Variants in POU2AF1 observed in about 807,000 individuals in gnomAD.
POU2AF1 encodes POU domain class 2-associating factor 1.
In POU2AF1, 12 loss-of-function variants were observed where a neutral mutation model predicts 26.3. That is an observed-to-expected ratio of 0.46 (90% confidence interval 0.29 to 0.74). The LOEUF is 0.74. Among genes scored for constraint, POU2AF1 ranks in the 30% least tolerant of loss-of-function variants. The probability of loss-of-function intolerance (pLI) is 0.09; values close to 1 mark genes in which losing one functional copy is unlikely to be tolerated. For synonymous variants in POU2AF1, 175 were observed against 148.0 expected (o/e 1.18, Z -1.32); for missense variants, 297 against 334.5 (o/e 0.89, Z 0.87).
chr11:111,378,591 A>AAAAGAATGACG (rs1296819355), intron 1 of POU2AF1, among the ~76,000 whole-genome samples: 1 of 152,202 alleles, frequency 6.6e-6, no homozygotes, highest in Admixed American at 6.5e-5. Context: ...CAGAAGGGGA[A>AAAAGAATGACG]AAAGAATGAC....
intron 1 of POU2AF1, among the ~76,000 whole-genome samples, chr11:111,371,358 C>A (rs1477261517): frequency 1.3e-5 from 2 of 152,108 alleles, no homozygotes; most frequent in African/African-American, 4.8e-5. Context: ...GTATCTATTT[C>A]TTGCATATTT....
In POU2AF1 at chr11:111,369,877, C is replaced by T. The variant is rs550834336; in HGVS notation, c.16+9285G>A. Among the ~76,000 whole-genome samples the T allele has an allele frequency of 2.6e-5, 4 of 152,266 alleles. No homozygotes were observed. In the South Asian group the frequency reaches 8.3e-4, roughly 32 times the overall value. On this transcript the variant is annotated intron_variant, in intron 1 of 4. Coordinates refer to ENST00000393067, the MANE Select transcript of POU2AF1 (RefSeq NM_006235.3). ...CCCATCTGAGCTAGGATGGGAATAACCTGTGGTTAGGCAGCTGGAGGAGGC... is the reference window on the plus strand; with the variant it reads ...CCCATCTGAGCTAGGATGGGAATAATCTGTGGTTAGGCAGCTGGAGGAGGC...
intron 1 of POU2AF1, among the ~76,000 whole-genome samples, chr11:111,366,807 A>G (rs1464541989): frequency 6.6e-6 from 1 of 152,148 alleles, no homozygotes; most frequent in Non-Finnish European, 1.5e-5. Flanking sequence ...TTAGAGCCAC[A>G]GAGCCCCAGA....
intron 4 of POU2AF1, among the ~76,000 whole-genome samples, chr11:111,355,686 G>A (rs1479859754): frequency 6.6e-6 from 1 of 152,210 alleles, no homozygotes; most frequent in East Asian, 1.9e-4. Context: ...GGACTCCAAT[G>A]TGGCCAGTCC....
chr11:111,379,060 C>A (rs11213863), intron 1 of POU2AF1, 102 bp downstream of exon 1: 3 of 1,457,090 alleles, frequency 2.1e-6, no homozygotes, highest in East Asian at 2.4e-5. Context: ...CCCCCGTGGC[C>A]CCATCACCTC....
chr11:111,358,661 A>T, intron 2 of POU2AF1, 127 bp downstream of exon 2: 2 of 1,170,738 alleles, frequency 1.7e-6, no homozygotes, highest in Non-Finnish European at 2.4e-6. Context: ...CACACACTCT[A>T]TCACACACAA....
At chr11:111,365,598 A>G (rs1668274092) in intron 1 of POU2AF1, among the ~76,000 whole-genome samples, 1 of 152,232 alleles carries the variant, frequency 6.6e-6, no homozygotes, top group African/African-American at 2.4e-5. Flanking sequence ...ATAGGAATTC[A>G]AGACTATGGC....
chr11:111,368,091 C>T (rs763739757), intron 1 of POU2AF1, among the ~76,000 whole-genome samples: 34 of 152,310 alleles, frequency 2.2e-4, no homozygotes, highest in Non-Finnish European at 4.1e-4. Flanking sequence ...GGTACACAGA[C>T]TTTAATCAAA....
intron 1 of POU2AF1, among the ~76,000 whole-genome samples, chr11:111,376,874 G>A (rs1459854635): frequency 1.3e-5 from 2 of 152,118 alleles, no homozygotes; most frequent in Non-Finnish European, 2.9e-5. Context: ...GGCTAAGGGG[G>A]TGGGTCCAGA....
Position 111,360,777 on chromosome 11 carries a change from T to C in POU2AF1, c.17-1859A>G, listed in dbSNP as rs143281613. Among the ~76,000 whole-genome samples, 589 of 152,086 alleles carry C rather than the reference T, an allele frequency of 3.9e-3. 4 individuals are homozygous for C. Among genetic ancestry groups the C allele is most frequent in the African/African-American group, 0.013 (555 of 41,468 alleles). On this transcript the variant is annotated intron_variant, in intron 1 of 4. Transcript: ENST00000393067. ...TGACCAACATGGTGAAAGCCCATAT[T>C]TACTGAAATACAAAAAATTAGCCAG...
At chr11:111,364,020 GA>G (rs1011972963) in intron 1 of POU2AF1, 93 of 979,450 alleles carry the variant, frequency 9.5e-5, no homozygotes, top group African/African-American at 4.0e-4. Flanking sequence ...GTTTGAGGGG[GA>G]AAAAAAATCA....
intron 2 of POU2AF1, among the ~76,000 whole-genome samples, chr11:111,358,436 T>TCA (rs1165354400): frequency 8.8e-5 from 5 of 56,788 alleles, no homozygotes; most frequent in African/African-American, 2.9e-4. Flanking sequence ...ACTCTCACAC[T>TCA]CACTCTCACA....
intron 2 of POU2AF1, among the ~76,000 whole-genome samples, chr11:111,358,440 TCTCACA>T (rs1565360861): frequency 0.035 from 1,688 of 47,686 alleles, 67 homozygotes; most frequent in African/African-American, 0.096. Context: ...TCACACTCAC[TCTCACA>T]CACACACACT....
intron 1 of POU2AF1, among the ~76,000 whole-genome samples, chr11:111,362,056 G>C (rs886516118): frequency 6.6e-6 from 1 of 152,148 alleles, no homozygotes; most frequent in African/African-American, 2.4e-5. Flanking sequence ...GGTGCCCAGC[G>C]ATGACCACAG....
intron 1 of POU2AF1, among the ~76,000 whole-genome samples, chr11:111,361,560 G>A (rs1861009214): frequency 1.3e-5 from 2 of 152,258 alleles, no homozygotes; most frequent in African/African-American, 2.4e-5. Context: ...GCATAGGGTA[G>A]ATGCTCAATA....
chr11:111,365,692 C>CA (rs1239442160), intron 1 of POU2AF1, among the ~76,000 whole-genome samples: 1 of 152,076 alleles, frequency 6.6e-6, no homozygotes, highest in African/African-American at 2.4e-5. Flanking sequence ...GAATTCTTTA[C>CA]ATTTTCATAG....
intron 1 of POU2AF1, among the ~76,000 whole-genome samples, chr11:111,375,962 C>A (rs1861303366): frequency 6.6e-6 from 1 of 152,194 alleles, no homozygotes; most frequent in African/African-American, 2.4e-5. Context: ...AGTTTGCAGA[C>A]CACTATTTTA....
intron 1 of POU2AF1, among the ~76,000 whole-genome samples, chr11:111,367,741 G>A (rs574370034): frequency 6.6e-6 from 1 of 152,196 alleles, no homozygotes; most frequent in South Asian, 2.1e-4. Flanking sequence ...GTGTTGCCCA[G>A]CCAAGAGAGG....
At chr11:111,358,078 C>A (rs1352357256) in intron 2 of POU2AF1, among the ~76,000 whole-genome samples, 1 of 152,078 alleles carries the variant, frequency 6.6e-6, no homozygotes, top group Non-Finnish European at 1.5e-5. Flanking sequence ...CAGGGGGGGC[C>A]CCCAACTCAC....
Sources: allele counts gnomAD v4.1 joint callset (sites outside exome capture counted in the v4.1 genomes callset), GRCh38; gene constraint gnomAD v4.1.1; transcripts MANE v1.5; gene names NCBI Gene and HGNC (gene_info 2026-07-23, HGNC 2026-07-21).